The following SLC33A1 variants were observed in gnomAD, a reference collection of about 807,000 sequenced individuals.
SLC33A1 encodes acetyl-coenzyme A transporter 1.
A neutral mutation model predicts 50.0 loss-of-function variants in SLC33A1; 20 were observed. The ratio of observed to expected loss-of-function variants is 0.40; its 90% confidence interval spans 0.28 to 0.58. The LOEUF (loss-of-function observed/expected upper bound fraction) is 0.58. Ranked by LOEUF, SLC33A1 falls within the 20% of genes least tolerant of loss-of-function variation. The pLI is 0.44. For missense variants in SLC33A1, 476 were observed against 657.0 expected, an observed-to-expected ratio of 0.72 and a Z score of 3.01; for synonymous variants, 265 against 251.8, an observed-to-expected ratio of 1.05 and a Z score of -0.50.
chr3:155,839,373 CAAAAAAAA>C (rs1198585213), intron 2 of SLC33A1, among the ~76,000 whole-genome samples: 1 of 18,296 alleles, frequency 5.5e-5, no homozygotes, highest in East Asian at 2.1e-3. Context: ...GACTCTGTCT[CAAAAAAAA>C]AAAAAAAAAA....
At chr3:155,841,695 T>G (rs554803065) in intron 2 of SLC33A1, among the ~76,000 whole-genome samples, 51 of 152,162 alleles carry the variant, frequency 3.4e-4, no homozygotes, top group African/African-American at 1.2e-3. Context: ...AATGGATTTT[T>G]AAAAAATTGA....
intron 4 of SLC33A1, among the ~76,000 whole-genome samples, chr3:155,830,232 A>T (rs1208397222): frequency 6.7e-6 from 1 of 150,186 alleles, no homozygotes; most frequent in Non-Finnish European, 1.5e-5. Flanking sequence ...AAATAGCCGG[A>T]TGTGGTGGCA....
intron 1 of SLC33A1, 93 bp downstream of exon 1, chr3:155,853,130 G>T: frequency 8.5e-7 from 1 of 1,171,788 alleles, no homozygotes; most frequent in Non-Finnish European, 1.3e-6. Flanking sequence ...CCCATACAAT[G>T]ATTTCCAGTA....
chr3:155,829,600 A>T (rs1293822727), intron 5 of SLC33A1, 88 bp downstream of exon 5: 11 of 966,754 alleles, frequency 1.1e-5, no homozygotes, highest in East Asian at 7.7e-5. Flanking sequence ...TATGATTTTT[A>T]AAAAAGATAT....
At position 155,829,871 on chromosome 3, in the gene SLC33A1, C is replaced by T. The variant is rs1285763904; in HGVS notation, c.1299G>A (p.Met433Ile). Residue 433 changes from methionine to isoleucine, a missense_variant, in exon 5 of 6, where the codon ATG becomes ATA. By Grantham distance (10) the Met-to-Ile change is conservative (BLOSUM62 1). Coordinates refer to ENST00000643144, the MANE Select transcript of SLC33A1 (RefSeq NM_004733.4). ...GATCACTAACCTTTGCATTGAAAGCCATTATAGAAACATACATGCTGTACA... is the reference window on the plus strand; with the variant it reads ...GATCACTAACCTTTGCATTGAAAGCTATTATAGAAACATACATGCTGTACA... ...VTVYSMYVSI[M>I]AFNAKVSDPL... 1.9e-6 allele frequency: 3 copies of T among 1,613,042 alleles called. No individual in the cohort carries two copies. The highest frequency in any genetic ancestry group is 2.5e-6 in the Non-Finnish European group (3 of 1,179,250).
chr3:155,845,945 G>T (rs1447658784), intron 1 of SLC33A1, among the ~76,000 whole-genome samples: 1 of 151,980 alleles, frequency 6.6e-6, no homozygotes, highest in Non-Finnish European at 1.5e-5. Context: ...AGCATACATG[G>T]TATATAAATG....
rs1752153655 is a variant in SLC33A1, at chr3:155,824,265, T to C, written c.*3945A>G. The C allele has an allele frequency of 6.6e-6, 1 of 152,262 alleles. No homozygotes were observed. The highest frequency in any genetic ancestry group is 1.5e-5 in the Non-Finnish European group (1 of 68,046). The allele number at this position is 152,262 out of a possible 1,614,324, so 9.4% of individuals were successfully genotyped here. A position where few individuals can be genotyped will look rare whatever the true frequency, so the allele number is the denominator to read the frequency against. ...ATGTTCCCAACAAGTTATTTCATTT[T>C]AGCAGGGTCTATGACATACAGCTTT... On this transcript the variant is annotated 3_prime_UTR_variant, in exon 6 of 6. Transcript: ENST00000643144.
At position 155,853,966 on chromosome 3, in the gene SLC33A1, C is replaced by G; in HGVS notation, c.32G>C (p.Ser11Thr). The change falls in exon 1 of 6, where the codon AGC (serine) becomes ACC (threonine). Residue 11 changes from serine to threonine, a missense_variant. Transcript: ENST00000643144. Reference protein sequence around the residue: MSPTISHKDSSRQRRPGNFSH... With the variant: MSPTISHKDSTRQRRPGNFSH... ...GAAATTCCCTGGCCGCCGTTGCCGG[C>G]TGCTGTCCTTGTGGGAGATGGTGGG... 1.3e-6 allele frequency: 2 copies of G among 1,544,036 alleles called. No homozygotes were observed. Among genetic ancestry groups the G allele is most frequent in the South Asian group, 2.6e-5 (2 of 78,268 alleles).
At chr3:155,848,633 G>A (rs940332460) in intron 1 of SLC33A1, among the ~76,000 whole-genome samples, 2 of 152,146 alleles carry the variant, frequency 1.3e-5, no homozygotes, top group African/African-American at 4.8e-5. Context: ...AGTGAGCAGA[G>A]ATCGCACCAC....
At chr3:155,829,407 A>C (rs954856826) in intron 5 of SLC33A1, among the ~76,000 whole-genome samples, 48 of 152,134 alleles carry the variant, frequency 3.2e-4, no homozygotes, top group Non-Finnish European at 5.9e-5. Flanking sequence ...TTAATTATGC[A>C]TTTATATAGT....
chr3:155,842,600 TC>T lies in SLC33A1; in HGVS notation c.794del (p.Gly265GlufsTer5). 1 of 1,560,064 alleles carries T rather than the reference TC, an allele frequency of 6.4e-7. No homozygotes were observed. The highest frequency in any genetic ancestry group is 8.7e-7 in the Non-Finnish European group (1 of 1,152,464). On this transcript the variant is annotated frameshift_variant, in exon 2 of 6. Coordinates refer to ENST00000643144, the MANE Select transcript of SLC33A1 (RefSeq NM_004733.4). LOFTEE classifies it high-confidence loss of function. ...ATGTTGTTGTTATTAAAAATACAGT[TC>T]CCCAGAAAAAAAGGAAATCTGAAAA... The part of the protein sequence containing the change: ...VTLSDFLFFW[G>X]TVFLITTTLV...
At position 155,853,206 on chromosome 3, in the gene SLC33A1, T is replaced by C. The variant is rs767481675; in HGVS notation, c.775+17A>G. 4 of 1,602,758 alleles carry C rather than the reference T, an allele frequency of 2.5e-6. No homozygotes were observed. Among genetic ancestry groups the C allele is most frequent in the East Asian group, 2.2e-5 (1 of 44,836 alleles). ...AGGATAAATAAACCTAACACCATAA[T>C]AGCTTAAATACACTACCTGAAAGAG... is the stretch of plus-strand genomic sequence containing the variant. On this transcript the variant is annotated intron_variant, in intron 1 of 5. Transcript: ENST00000643144.
At chr3:155,839,051 G>A (rs1440258970) in intron 2 of SLC33A1, among the ~76,000 whole-genome samples, 3 of 151,900 alleles carry the variant, frequency 2.0e-5, no homozygotes, top group Non-Finnish European at 4.4e-5. Flanking sequence ...CACTTTGGGA[G>A]GCCGAGACGG....
At chr3:155,833,612 C>CACAAAATTAGCTGGGCG in intron 3 of SLC33A1, 27 bp from the exon 4 acceptor site, 1 of 1,327,054 alleles carries the variant, frequency 7.5e-7, no homozygotes, top group Non-Finnish European at 1.1e-6. Flanking sequence ...ATTGAGTTGA[C>CACAAAATTAGCTGGGCG]TTCCATTTTA....
At chr3:155,836,497 T>C (rs1052338792) in intron 2 of SLC33A1, among the ~76,000 whole-genome samples, 1 of 152,022 alleles carries the variant, frequency 6.6e-6, no homozygotes, top group African/African-American at 2.4e-5. Context: ...ACATACAAAC[T>C]GACTTTAATG....
At chr3:155,836,379 G>C (rs750291390) in intron 2 of SLC33A1, among the ~76,000 whole-genome samples, 2 of 136,256 alleles carry the variant, frequency 1.5e-5, no homozygotes, top group Non-Finnish European at 3.2e-5. Context: ...TCTTGGAATA[G>C]AGCCAAAGAA....
chr3:155,833,676 G>A (rs1752540650), intron 3 of SLC33A1, 91 bp from the exon 4 acceptor site: 2 of 968,704 alleles, frequency 2.1e-6, no homozygotes, highest in Non-Finnish European at 3.4e-6. Context: ...CCATATGAAA[G>A]AAGCTGTATC....
At chr3:155,831,904 T>C (rs944059234) in intron 4 of SLC33A1, among the ~76,000 whole-genome samples, 1 of 152,244 alleles carries the variant, frequency 6.6e-6, no homozygotes, top group African/African-American at 2.4e-5. Context: ...CTGGTAGTCA[T>C]ATTTTTACGT....
At chr3:155,836,150 G>A (rs1391555343) in intron 2 of SLC33A1, among the ~76,000 whole-genome samples, 2 of 151,110 alleles carry the variant, frequency 1.3e-5, no homozygotes, top group Non-Finnish European at 3.0e-5. Context: ...CAGGTGTGGT[G>A]GTATACGCCT....
Sources: gnomAD v4.1 joint callset for allele counts (sites outside exome capture counted in the v4.1 genomes callset) on GRCh38, gnomAD v4.1.1 for gene constraint, MANE v1.5 for transcripts, NCBI Gene and HGNC (gene_info 2026-07-23, HGNC 2026-07-21) for gene names.